ROBO2: variants seen among roughly 807,000 people sequenced by gnomAD.
ROBO2 encodes roundabout homolog 2.
Under a neutral mutation model 160.8 loss-of-function variants are expected in ROBO2, and 53 were observed. The observed-to-expected ratio is 0.33, with a 90% CI of 0.26 to 0.41. The LOEUF is 0.41. Ranked by LOEUF, ROBO2 falls within the 10% of genes least tolerant of loss-of-function variation. The pLI is 1.00. For missense variants in ROBO2, 1,577 were observed against 1,722.4 expected, an observed-to-expected ratio of 0.92 and a Z score of 1.49; for synonymous variants, 664 against 611.7, an observed-to-expected ratio of 1.09 and a Z score of -1.26.
chr3:76,176,973 T>C (rs1247403826), intron 2 of ROBO2, among the ~76,000 whole-genome samples: 1 of 152,160 alleles, frequency 6.6e-6, no homozygotes, highest in African/African-American at 2.4e-5. Flanking sequence ...CTTTATTCTC[T>C]GTACTTTATA....
intron 2 of ROBO2, among the ~76,000 whole-genome samples, chr3:77,006,899 A>G (rs2061608962): frequency 6.6e-6 from 1 of 152,172 alleles, no homozygotes; most frequent in Non-Finnish European, 1.5e-5. Context: ...TAAAAAAGAT[A>G]ATATACCTCT....
chr3:77,212,743 C>T (rs1255094662), intron 2 of ROBO2, among the ~76,000 whole-genome samples: 1 of 152,106 alleles, frequency 6.6e-6, no homozygotes, highest in East Asian at 1.9e-4. Flanking sequence ...TTTTGAGATA[C>T]ATCCCATCAA....
intron 2 of ROBO2, among the ~76,000 whole-genome samples, chr3:76,305,479 G>A (rs778095019): frequency 4.0e-5 from 6 of 150,000 alleles, no homozygotes; most frequent in East Asian, 2.0e-4. Context: ...AAGAATCATC[G>A]GCAGGGTGTG....
chr3:76,245,328 C>T (rs906537591), intron 2 of ROBO2, among the ~76,000 whole-genome samples: 4 of 152,278 alleles, frequency 2.6e-5, no homozygotes, highest in African/African-American at 9.6e-5. Context: ...TTTCTATGTG[C>T]AGCAATGTTC....
At position 76,489,084 on chromosome 3, in the gene ROBO2, C is replaced by CAAA. The variant is rs67454494; in HGVS notation, c.109+551511_109+551513dup. On this transcript the variant is annotated intron_variant, in intron 2 of 26. Transcript: ENST00000487694. ...TGGGTGACAGAGTGAGACTCTGTCT[C>CAAA]AAAAAAAAAAAAAAAAAAAAAAAAA... Among the ~76,000 whole-genome samples, 427 of 60,122 alleles carry CAAA rather than the reference C, an allele frequency of 7.1e-3. 25 individuals carry two copies. Among genetic ancestry groups the CAAA allele is most frequent in the Non-Finnish European group, 0.011 (341 of 30,816 alleles). The allele number at this position is 60,122 out of a possible 152,430, so 39.4% of individuals were successfully genotyped here.
intron 2 of ROBO2, among the ~76,000 whole-genome samples, chr3:76,447,280 C>T (rs1334056472): frequency 6.6e-6 from 1 of 152,160 alleles, no homozygotes; most frequent in African/African-American, 2.4e-5. Context: ...AGCCAAAAAA[C>T]ACATGAAAAA....
intron 2 of ROBO2, among the ~76,000 whole-genome samples, chr3:76,786,056 C>G (rs2062953170): frequency 6.6e-6 from 1 of 151,162 alleles, no homozygotes. Flanking sequence ...CAACATATAT[C>G]AGAGTTGGAA....
intron 2 of ROBO2, among the ~76,000 whole-genome samples, chr3:76,632,195 T>C (rs542828249): frequency 1.3e-5 from 2 of 152,278 alleles, no homozygotes; most frequent in South Asian, 4.1e-4. Context: ...CAGGGAAACA[T>C]TGGAGAAGTC....
At chr3:76,512,582 C>G (rs2081154708) in intron 2 of ROBO2, among the ~76,000 whole-genome samples, 1 of 151,960 alleles carries the variant, frequency 6.6e-6, no homozygotes, top group African/African-American at 2.4e-5. Flanking sequence ...TAAATTCAGT[C>G]AGGAAAAAGG....
chr3:76,429,665 TTAG>T (rs770487170), intron 2 of ROBO2, among the ~76,000 whole-genome samples: 26 of 152,164 alleles, frequency 1.7e-4, no homozygotes, highest in Non-Finnish European at 3.4e-4. Context: ...TAATGAGCTC[TTAG>T]TAGAACTGAG....
intron 2 of ROBO2, among the ~76,000 whole-genome samples, chr3:76,309,560 G>A (rs1200942850): frequency 6.6e-6 from 1 of 152,062 alleles, no homozygotes; most frequent in African/African-American, 2.4e-5. Flanking sequence ...TCTTCTAAAG[G>A]TACCTCTTCC....
chr3:77,183,138 TAAAACAA>T (rs2080949055), intron 2 of ROBO2, among the ~76,000 whole-genome samples: 1 of 151,958 alleles, frequency 6.6e-6, no homozygotes, highest in Admixed American at 6.6e-5. Flanking sequence ...TTCTCAAAAA[TAAAACAA>T]AAAACAAAAA....
intron 2 of ROBO2, among the ~76,000 whole-genome samples, chr3:76,079,451 A>G (rs2108015115): frequency 6.6e-6 from 1 of 150,546 alleles, no homozygotes; most frequent in South Asian, 2.1e-4. Flanking sequence ...TAAACATTGA[A>G]AATTTATTTA....
At chr3:76,786,575 A>G (rs1025551199) in intron 2 of ROBO2, among the ~76,000 whole-genome samples, 4 of 151,298 alleles carry the variant, frequency 2.6e-5, no homozygotes, top group Middle Eastern at 3.2e-3. Context: ...ACAACTGGAA[A>G]CCACTCCCAT....
At chr3:76,357,285 A>G (rs2075229904) in intron 2 of ROBO2, among the ~76,000 whole-genome samples, 1 of 152,020 alleles carries the variant, frequency 6.6e-6, no homozygotes, top group South Asian at 2.1e-4. Context: ...GCAGGAGTAA[A>G]ACACTGAGCA....
rs181164307 is a variant in ROBO2, at chr3:77,212,341, T to C, written c.388+114001T>C. On this transcript the variant is annotated intron_variant, in intron 2 of 25. Coordinates refer to ENST00000461745, the Ensembl canonical transcript of ROBO2. ...TATTTTATTCTCTTTGAAGCAATTG[T>C]GAATGGGAGTTCACTCATGATTTGG... 7.1e-3 allele frequency among the ~76,000 whole-genome samples: 1,081 copies of C among 152,298 alleles called. 12 individuals carry two copies. The highest frequency in any genetic ancestry group is 0.024 in the African/African-American group (990 of 41,562).
At chr3:77,464,001 C>T (rs1374797650) in intron 2 of ROBO2, among the ~76,000 whole-genome samples, 1 of 152,186 alleles carries the variant, frequency 6.6e-6, no homozygotes, top group East Asian at 1.9e-4. Context: ...TATACTACTT[C>T]TAATTCCTAA....
Position 76,268,359 on chromosome 3 carries a change from T to A in ROBO2, c.109+330757T>A, listed in dbSNP as rs144400062. ...TTTCAACAAAGTATATTAGTTAACC[T>A]GGGCTGTCATAACAAAATATGATAG... On this transcript the variant is annotated intron_variant, in intron 2 of 26. Transcript: ENST00000487694. 7.9e-3 allele frequency among the ~76,000 whole-genome samples: 1,197 copies of A among 152,272 alleles called. 7 individuals carry two copies. Among genetic ancestry groups the A allele is most frequent in the African/African-American group, 0.024 (1,016 of 41,564 alleles).
intron 2 of ROBO2, among the ~76,000 whole-genome samples, chr3:76,543,351 T>C (rs962914981): frequency 6.6e-6 from 1 of 152,048 alleles, no homozygotes; most frequent in Non-Finnish European, 1.5e-5. Flanking sequence ...GGTGTCCTTA[T>C]AAGAAAAGGA....
Sources: gnomAD v4.1 joint callset for allele counts (sites outside exome capture counted in the v4.1 genomes callset) on GRCh38, gnomAD v4.1.1 for gene constraint, MANE v1.5 for transcripts, NCBI Gene and HGNC (gene_info 2026-07-23, HGNC 2026-07-21) for gene names.